The following KCNIP1 variants were observed in gnomAD, a reference collection of about 807,000 sequenced individuals.
The protein encoded by KCNIP1 is A-type potassium channel modulatory protein KCNIP1.
Under a neutral mutation model 33.0 loss-of-function variants are expected in KCNIP1, and 18 were observed. The ratio of observed to expected loss-of-function variants is 0.55; its 90% CI spans 0.38 to 0.81. The LOEUF (loss-of-function observed/expected upper bound fraction) is 0.81. Ranked by LOEUF, KCNIP1 falls within the 30% of genes least tolerant of loss-of-function variation. The pLI is 0.00. For synonymous variants in KCNIP1, 93 were observed against 98.3 expected (o/e 0.95, Z 0.32); for missense variants, 238 against 271.6 (o/e 0.88, Z 0.87).
rs556351072 is a variant in KCNIP1 at position 170,660,503 on chromosome 5, C to T, written c.62-58255C>T. ...GACACCCAGCTAATGATATTTGTTC[C>T]TATGTCCTTCTCTGACTAGCTGGGT... On this transcript the variant is annotated intron_variant, in intron 1 of 7. Coordinates refer to ENST00000328939, the MANE Select transcript of KCNIP1 (RefSeq NM_014592.4). Among the ~76,000 whole-genome samples the T allele has an allele frequency of 2.0e-5, 3 of 152,278 alleles. No individual in the cohort carries two copies. In the South Asian group the frequency reaches 6.2e-4, roughly 32 times the overall value.
chr5:170,702,873 T>C (rs1763144685), intron 1 of KCNIP1, among the ~76,000 whole-genome samples: 1 of 150,644 alleles, frequency 6.6e-6, no homozygotes, highest in African/African-American at 2.4e-5. Flanking sequence ...GCAAAGTACA[T>C]GTCACAGTGC....
chr5:170,578,873 G>A (rs1341632756), intron 1 of KCNIP1, among the ~76,000 whole-genome samples: 3 of 152,158 alleles, frequency 2.0e-5, no homozygotes, highest in African/African-American at 7.2e-5. Context: ...CATGAAGAGA[G>A]ATTGGGAGCG....
intron 1 of KCNIP1, among the ~76,000 whole-genome samples, chr5:170,436,841 C>T (rs1417378026): frequency 6.6e-6 from 1 of 152,156 alleles, no homozygotes; most frequent in Admixed American, 6.5e-5. Context: ...GGCCCCATAA[C>T]AGCCCCATAA....
At chr5:170,479,360 C>T (rs370394762) in intron 1 of KCNIP1, among the ~76,000 whole-genome samples, 52 of 152,344 alleles carry the variant, frequency 3.4e-4, no homozygotes, top group African/African-American at 1.1e-3. Flanking sequence ...TCCCTCTTTA[C>T]ATGTTACCAA....
At chr5:170,383,987 G>A (rs1764364034) in intron 1 of KCNIP1, 2 of 818,442 alleles carry the variant, frequency 2.4e-6, no homozygotes, top group Non-Finnish European at 3.8e-6. Flanking sequence ...TCAGCATCCA[G>A]CAATAAAGGC....
intron 1 of KCNIP1, among the ~76,000 whole-genome samples, chr5:170,629,067 C>T (rs1370697973): frequency 6.6e-6 from 1 of 152,226 alleles, no homozygotes; most frequent in Non-Finnish European, 1.5e-5. Flanking sequence ...CCTCCACTCC[C>T]ACCTCGCACA....
intron 1 of KCNIP1, among the ~76,000 whole-genome samples, chr5:170,441,845 G>C (rs572781830): frequency 6.6e-6 from 1 of 151,402 alleles, no homozygotes; most frequent in Non-Finnish European, 1.5e-5. Flanking sequence ...CTAGCTACTC[G>C]GGAGGCTGAG....
At chr5:170,710,587 T>C (rs540047702) in intron 1 of KCNIP1, among the ~76,000 whole-genome samples, 24 of 152,328 alleles carry the variant, frequency 1.6e-4, no homozygotes, top group Non-Finnish European at 1.2e-4. Flanking sequence ...TTCAGAAAGG[T>C]AATAGAGCAA....
chr5:170,624,723 CCGGGGAGGTGGGGGGGGAGAG>C (rs1759748695), intron 1 of KCNIP1, among the ~76,000 whole-genome samples: 1 of 34,626 alleles, frequency 2.9e-5, no homozygotes, highest in Non-Finnish European at 5.3e-5. Flanking sequence ...GGAAAGGAGA[CCGGGGAGGTGGGGGGGGAGAG>C]GGGAGGGGAG....
intron 1 of KCNIP1, among the ~76,000 whole-genome samples, chr5:170,709,412 A>G (rs1763370484): frequency 1.3e-5 from 2 of 152,190 alleles, no homozygotes; most frequent in African/African-American, 2.4e-5. Flanking sequence ...TCTCTAGCAA[A>G]GTTACTTGCC....
intron 1 of KCNIP1, among the ~76,000 whole-genome samples, chr5:170,408,686 AT>A (rs1358268047): frequency 6.6e-6 from 1 of 152,146 alleles, no homozygotes; most frequent in Non-Finnish European, 1.5e-5. Context: ...GGTATTTCTT[AT>A]TGGCATAAAG....
upstream of KCNIP1, among the ~76,000 whole-genome samples, chr5:170,499,239 C>A (rs1757366471): frequency 6.6e-6 from 1 of 152,138 alleles, no homozygotes; most frequent in South Asian, 2.1e-4. Flanking sequence ...AATAGATTTC[C>A]TATCAAACAG....
chr5:170,417,293 C>T (rs192513613), intron 1 of KCNIP1, among the ~76,000 whole-genome samples: 22 of 152,268 alleles, frequency 1.4e-4, no homozygotes, highest in African/African-American at 5.1e-4. Flanking sequence ...CTTATTTTCA[C>T]GTGTCTATAG....
chr5:170,524,158 T>G (rs1163002566), intron 1 of KCNIP1, among the ~76,000 whole-genome samples: 1 of 152,166 alleles, frequency 6.6e-6, no homozygotes, highest in East Asian at 1.9e-4. Flanking sequence ...GTCTACACAT[T>G]CCCAAGGTTG....
intron 1 of KCNIP1, among the ~76,000 whole-genome samples, chr5:170,404,210 A>T (rs937796964): frequency 3.3e-5 from 5 of 152,252 alleles, no homozygotes; most frequent in Non-Finnish European, 7.3e-5. Flanking sequence ...ATCAGTGTAA[A>T]TAGCTTAAGC....
chr5:170,705,298 C>A (rs1419299905), intron 1 of KCNIP1, among the ~76,000 whole-genome samples: 1 of 152,212 alleles, frequency 6.6e-6, no homozygotes, highest in African/African-American at 2.4e-5. Context: ...TAGCACCTTG[C>A]CATCTTCTCC....
At chr5:170,390,517 A>AAAAAAAAAAAAAAAAAAATAT in intron 1 of KCNIP1, among the ~76,000 whole-genome samples, 1 of 74,546 alleles carries the variant, frequency 1.3e-5, no homozygotes, top group African/African-American at 6.4e-5. Context: ...AAAAAAAACA[A>AAAAAAAAAAAAAAAAAAATAT]ATATATATAT....
chr5:170,444,703 A>AG (rs1263732926), intron 1 of KCNIP1, among the ~76,000 whole-genome samples: 1 of 150,284 alleles, frequency 6.7e-6, no homozygotes, highest in African/African-American at 2.5e-5. Context: ...TTTTTTTAAA[A>AG]AAAAAAAAAA....
At chr5:170,434,810 C>T (rs1019784669) in intron 1 of KCNIP1, among the ~76,000 whole-genome samples, 2 of 152,146 alleles carry the variant, frequency 1.3e-5, no homozygotes, top group Admixed American at 6.5e-5. Context: ...CAAAAATCAG[C>T]CGGGCGTGGT....
Sources: allele counts gnomAD v4.1 joint callset (sites outside exome capture counted in the v4.1 genomes callset), GRCh38; gene constraint gnomAD v4.1.1; transcripts MANE v1.5; gene names NCBI Gene and HGNC (gene_info 2026-07-23, HGNC 2026-07-21).